SNRPN: variants seen among roughly 807,000 people sequenced by gnomAD.
SNRPN encodes the protein small nuclear ribonucleoprotein polypeptide N, also known as small nuclear ribonucleoprotein-associated protein N.
Under a neutral mutation model 25.2 loss-of-function variants are expected in SNRPN, and 7 were observed. The ratio of observed to expected loss-of-function variants is 0.28; its 90% CI spans 0.16 to 0.52. SNRPN has a LOEUF of 0.52. Ranked by LOEUF, SNRPN falls within the 20% of genes least tolerant of loss-of-function variation. The probability of loss-of-function intolerance (pLI) is 0.96; values close to 1 mark genes in which losing one functional copy is unlikely to be tolerated. For missense variants in SNRPN, 196 were observed against 322.5 expected (o/e 0.61, Z 3.00); for synonymous variants, 124 against 110.6 (o/e 1.12, Z -0.76).
intron 2 of SNRPN, among the ~76,000 whole-genome samples, chr15:24,913,317 C>G (rs544518597): frequency 2.6e-5 from 4 of 152,212 alleles, no homozygotes; most frequent in African/African-American, 9.6e-5. Flanking sequence ...AATATTCTAT[C>G]TCAGGGAGTT....
rs1020309160 is a variant in SNRPN at position 24,971,925 on chromosome 15, G to T, written c.-143-2386G>T. Among the ~76,000 whole-genome samples, 3 of 152,162 alleles carry T rather than the reference G, an allele frequency of 2.0e-5. No homozygotes were observed. The South Asian group carries it at 6.2e-4, about 32-fold the overall frequency. On this transcript the variant is annotated intron_variant, in intron 3 of 9. Coordinates refer to ENST00000390687, the MANE Select transcript of SNRPN (RefSeq NM_003097.6). ...AGTCATGATCCTTGTTGTCTCTTTG[G>T]ATGGCTGAAGGTCCCAAGTGTTGCA...
In SNRPN at chr15:24,949,227, G is replaced by A. The variant is rs553505990; in HGVS notation, c.-390-12887G>A. ...AGTAGAGACAAGGTTTTGCCATGTC[G>A]GCCAGGCTGGTCTTGAACTCCTGAC... On this transcript the variant is annotated intron_variant, in intron 3 of 11. Transcript: ENST00000400097. Among the ~76,000 whole-genome samples, 11 of 151,740 alleles carry A rather than the reference G, an allele frequency of 7.2e-5. No homozygotes were observed. The East Asian group carries it at 1.6e-3, about 21-fold the overall frequency.
intron 3 of SNRPN, among the ~76,000 whole-genome samples, chr15:24,932,976 C>T (rs1214292641): frequency 6.6e-6 from 1 of 151,920 alleles, no homozygotes; most frequent in Non-Finnish European, 1.5e-5. Flanking sequence ...TGAAAGTTTA[C>T]TTTTGACTGG....
chr15:24,971,433 C>T (rs2076389566), intron 3 of SNRPN, among the ~76,000 whole-genome samples: 1 of 152,080 alleles, frequency 6.6e-6, no homozygotes, highest in Admixed American at 6.6e-5. Context: ...TTCTAAATTC[C>T]AAATCTGTCT....
At chr15:24,935,943 C>T (rs557121555) in intron 3 of SNRPN, among the ~76,000 whole-genome samples, 70 of 152,000 alleles carry the variant, frequency 4.6e-4, no homozygotes, top group African/African-American at 1.5e-3. Flanking sequence ...GTGAAAACCA[C>T]GTCTCTACTA....
intron 3 of SNRPN, among the ~76,000 whole-genome samples, chr15:24,936,900 A>G (rs191848475): frequency 2.0e-5 from 3 of 152,290 alleles, no homozygotes; most frequent in East Asian, 1.9e-4. Context: ...TCAGTTATCA[A>G]TGGAATTTAC....
At chr15:24,853,937 G>T (rs2053131790), upstream of SNRPN, among the ~76,000 whole-genome samples, 1 of 152,168 alleles carries the variant, frequency 6.6e-6, no homozygotes, top group South Asian at 2.1e-4. Flanking sequence ...TATGGGAAGA[G>T]TATCTGCAAA....
chr15:24,962,932 T>G (rs145843075), intron 2 of SNRPN, among the ~76,000 whole-genome samples: 1 of 152,178 alleles, frequency 6.6e-6, no homozygotes, highest in African/African-American at 2.4e-5. Flanking sequence ...GTATTAAAAA[T>G]TCATGAAGAT....
At chr15:24,895,577 T>C (rs1482194761) in intron 2 of SNRPN, among the ~76,000 whole-genome samples, 2 of 152,070 alleles carry the variant, frequency 1.3e-5, no homozygotes, top group African/African-American at 2.4e-5. Context: ...GTATTGGAAA[T>C]TGATGGCTGC....
At chr15:24,974,185 A>G (rs1596329280) in intron 3 of SNRPN, 126 bp from the exon 4 acceptor site, 1 of 483,134 alleles carries the variant, frequency 2.1e-6, no homozygotes, top group Non-Finnish European at 3.7e-6. Flanking sequence ...TCCCTTGGTG[A>G]GGAAGCTAGT....
chr15:24,894,721 A>G (rs8024850), intron 2 of SNRPN, among the ~76,000 whole-genome samples: 34,961 of 152,150 alleles, frequency 0.23, 4,341 homozygotes, highest in Middle Eastern at 0.26. Flanking sequence ...TCTCTTGACC[A>G]GGAACTACTG....
chr15:24,828,147 T>C (rs2050234274), intron 1 of SNRPN, among the ~76,000 whole-genome samples: 3 of 152,094 alleles, frequency 2.0e-5, no homozygotes, highest in Non-Finnish European at 4.4e-5. Flanking sequence ...ATTATAAAAG[T>C]CTTAAAATTT....
chr15:24,828,829 G>A (rs903029189), intron 1 of SNRPN, among the ~76,000 whole-genome samples: 1 of 152,052 alleles, frequency 6.6e-6, no homozygotes, highest in Non-Finnish European at 1.5e-5. Context: ...TCGTTTAAAA[G>A]GGCAAAATTA....
At chr15:24,883,037 A>C (rs1231526214) in intron 1 of SNRPN, among the ~76,000 whole-genome samples, 1 of 152,160 alleles carries the variant, frequency 6.6e-6, no homozygotes, top group Non-Finnish European at 1.5e-5. Context: ...AGTGAAAAAC[A>C]ATGGTTGTGT....
At chr15:24,836,302 TG>T (rs2051176231) in intron 2 of SNRPN, among the ~76,000 whole-genome samples, 1 of 152,064 alleles carries the variant, frequency 6.6e-6, no homozygotes, top group South Asian at 2.1e-4. Context: ...TCTGAGACAC[TG>T]GGGGTGAGGG....
intron 1 of SNRPN, among the ~76,000 whole-genome samples, chr15:24,885,687 C>T (rs886566106): frequency 6.8e-6 from 1 of 147,712 alleles, no homozygotes; most frequent in Non-Finnish European, 1.5e-5. Context: ...CTGATGAGAA[C>T]GAAGGATTTT....
intron 3 of SNRPN, among the ~76,000 whole-genome samples, chr15:24,944,735 A>T (rs2153099587): frequency 6.6e-6 from 1 of 152,266 alleles, no homozygotes; most frequent in African/African-American, 2.4e-5. Context: ...AAACAAAATG[A>T]ACTAACAGGA....
intron 2 of SNRPN, among the ~76,000 whole-genome samples, chr15:24,965,146 T>C (rs2075424244): frequency 6.6e-6 from 1 of 152,184 alleles, no homozygotes; most frequent in South Asian, 2.1e-4. Context: ...ACTAGAAGTG[T>C]TCAATATTTA....
chr15:24,840,927 C>T (rs532235285), intron 2 of SNRPN, among the ~76,000 whole-genome samples: 28 of 152,200 alleles, frequency 1.8e-4, no homozygotes, highest in Admixed American at 3.9e-4. Context: ...CTCTAACCTC[C>T]GCCTCCCAGG....
Sources: allele counts gnomAD v4.1 joint callset (sites outside exome capture counted in the v4.1 genomes callset), GRCh38; gene constraint gnomAD v4.1.1; transcripts MANE v1.5; gene names NCBI Gene and HGNC (gene_info 2026-07-23, HGNC 2026-07-21).